SCMH1: variants seen among roughly 807,000 people sequenced by gnomAD.
The protein encoded by SCMH1 is polycomb protein SCMH1.
A neutral mutation model predicts 70.8 loss-of-function variants in SCMH1; 37 were observed. That is an observed-to-expected ratio of 0.52 (90% CI 0.40 to 0.69). The LOEUF (loss-of-function observed/expected upper bound fraction) is 0.69, where lower values mean the gene tolerates loss of function less well. SCMH1 is among the 30% of genes least tolerant of loss of function. SCMH1 has a pLI of 0.00. For missense variants in SCMH1, 607 were observed against 827.3 expected (o/e 0.73, Z 3.27); for synonymous variants, 292 against 307.4 (o/e 0.95, Z 0.52).
intron 6 of SCMH1, among the ~76,000 whole-genome samples, chr1:41,136,672 A>T (rs1163504061): frequency 6.7e-6 from 1 of 148,428 alleles, no homozygotes; most frequent in Admixed American, 6.7e-5. Flanking sequence ...GTGCCCGGCC[A>T]TTTCTTATTT....
chr1:41,082,329 C>T (rs2148954193), intron 8 of SCMH1, among the ~76,000 whole-genome samples: 2 of 152,234 alleles, frequency 1.3e-5, no homozygotes, highest in Admixed American at 1.3e-4. Context: ...GGTCGGGTTA[C>T]CCACAAAGGG....
At chr1:41,146,511 G>A (rs1035772369) in intron 5 of SCMH1, among the ~76,000 whole-genome samples, 1 of 151,896 alleles carries the variant, frequency 6.6e-6, no homozygotes, top group Non-Finnish European at 1.5e-5. Flanking sequence ...TGCCTGATAC[G>A]GGTGTACAAG....
At chr1:41,149,611 T>TA (rs1644883206) in intron 5 of SCMH1, among the ~76,000 whole-genome samples, 1 of 152,184 alleles carries the variant, frequency 6.6e-6, no homozygotes, top group South Asian at 2.1e-4. Flanking sequence ...TTCTTGGGCT[T>TA]TGTTCCTCGA....
At chr1:41,219,634 A>C (rs1331390933) in intron 1 of SCMH1, among the ~76,000 whole-genome samples, 2 of 152,232 alleles carry the variant, frequency 1.3e-5, no homozygotes, top group Admixed American at 1.3e-4. Context: ...GTTTACTATC[A>C]AATAGAAAAA....
intron 4 of SCMH1, among the ~76,000 whole-genome samples, chr1:41,152,362 A>C (rs935563710): frequency 1.1e-4 from 17 of 152,334 alleles, no homozygotes; most frequent in African/African-American, 3.6e-4. Flanking sequence ...GATGATAGTA[A>C]ATAAGAACAA....
At chr1:41,143,981 C>T (rs1401719734) in intron 5 of SCMH1, among the ~76,000 whole-genome samples, 3 of 152,032 alleles carry the variant, frequency 2.0e-5, no homozygotes, top group Middle Eastern at 3.2e-3. Context: ...CAGCTCTTGG[C>T]GATTACAAAT....
rs553008996 is a variant in SCMH1, at chr1:41,046,352, T to C, written c.1498+55A>G. 2.6e-6 allele frequency: 4 copies of C among 1,509,532 alleles called. No homozygotes were observed. The African/African-American group carries it at 5.5e-5, about 21-fold the overall frequency. 93.5% of individuals were successfully genotyped at this position (1,509,532 alleles called of 1,614,324 possible). A position where few individuals can be genotyped will look rare whatever the true frequency, so the allele number is the denominator to read the frequency against. ...AAGGCTGACCCTGGGCCCCTGCAGG[T>C]GCTGCTGCTAGCCCTGTCCCCCACT... On this transcript the variant is annotated intron_variant, in intron 12 of 14. Coordinates refer to ENST00000337495, the Ensembl canonical transcript of SCMH1.
intron 4 of SCMH1, among the ~76,000 whole-genome samples, chr1:41,158,256 T>A (rs1348429926): frequency 1.3e-5 from 2 of 152,152 alleles, no homozygotes; most frequent in Non-Finnish European, 2.9e-5. Flanking sequence ...ATAACTGTAA[T>A]CAAAATATCA....
intron 1 of SCMH1, among the ~76,000 whole-genome samples, chr1:41,223,814 A>G (rs1222413117): frequency 6.6e-6 from 1 of 152,114 alleles, no homozygotes; most frequent in East Asian, 1.9e-4. Context: ...GTAATCTATA[A>G]AGCTCCCTGC....
At chr1:41,071,324 T>A (rs1338325608) in intron 9 of SCMH1, among the ~76,000 whole-genome samples, 1 of 152,222 alleles carries the variant, frequency 6.6e-6, no homozygotes, top group Non-Finnish European at 1.5e-5. Context: ...ACAAATTTGT[T>A]TATCTAGGAA....
intron 1 of SCMH1, among the ~76,000 whole-genome samples, chr1:41,225,372 T>C (rs549014259): frequency 4.3e-4 from 66 of 152,346 alleles, no homozygotes; most frequent in African/African-American, 1.6e-3. Context: ...ATAAAATGCT[T>C]CTATTTTTAT....
At chr1:41,048,442 A>C (rs577081662) in intron 11 of SCMH1, among the ~76,000 whole-genome samples, 1 of 152,278 alleles carries the variant, frequency 6.6e-6, no homozygotes, top group African/African-American at 2.4e-5. Context: ...CGGACAGGTC[A>C]ATCAGGTAGA....
intron 9 of SCMH1, among the ~76,000 whole-genome samples, chr1:41,071,158 CCT>C (rs1188775443): frequency 2.0e-5 from 3 of 152,074 alleles, no homozygotes; most frequent in Non-Finnish European, 4.4e-5. Context: ...ACTCTGTCTG[CCT>C]CTCTCTTCAC....
At chr1:41,182,012 T>A (rs1648918303) in intron 2 of SCMH1, among the ~76,000 whole-genome samples, 1 of 152,182 alleles carries the variant, frequency 6.6e-6, no homozygotes, top group Admixed American at 6.5e-5. Flanking sequence ...TGGAATACTA[T>A]GCAGTCATAA....
At chr1:41,081,447 T>C (rs1226793329) in intron 8 of SCMH1, among the ~76,000 whole-genome samples, 4 of 152,234 alleles carry the variant, frequency 2.6e-5, no homozygotes, top group Admixed American at 6.5e-5. Context: ...GCCAAGTCAA[T>C]CTTGATGAAT....
chr1:41,129,427 GTCTCA>G (rs1223398288), intron 6 of SCMH1, among the ~76,000 whole-genome samples: 3 of 152,038 alleles, frequency 2.0e-5, no homozygotes, highest in Non-Finnish European at 4.4e-5. Flanking sequence ...TTCTCTAGAT[GTCTCA>G]TCTAAGTGAA....
chr1:41,065,297 A>G (rs960947529), intron 10 of SCMH1, among the ~76,000 whole-genome samples: 1 of 152,204 alleles, frequency 6.6e-6, no homozygotes, highest in Admixed American at 6.5e-5. Flanking sequence ...TGGGCAACAT[A>G]GTGAGACCCC....
intron 1 of SCMH1, among the ~76,000 whole-genome samples, chr1:41,214,668 C>T (rs1026633022): frequency 1.3e-5 from 2 of 152,016 alleles, no homozygotes; most frequent in Non-Finnish European, 2.9e-5. Flanking sequence ...TATTCTGATG[C>T]TATTTCTCAG....
chr1:41,108,321 T>C (rs1190904390), intron 8 of SCMH1, among the ~76,000 whole-genome samples: 1 of 152,226 alleles, frequency 6.6e-6, no homozygotes, highest in East Asian at 1.9e-4. Context: ...CTCGCTGCTA[T>C]CAATCCACAT....
Sources: allele counts gnomAD v4.1 joint callset (sites outside exome capture counted in the v4.1 genomes callset), GRCh38; gene constraint gnomAD v4.1.1; transcripts MANE v1.5; gene names NCBI Gene and HGNC (gene_info 2026-07-23, HGNC 2026-07-21).